TACC1: variants seen among roughly 807,000 people sequenced by gnomAD.
TACC1 encodes the protein transforming acidic coiled-coil-containing protein 1.
Under a neutral mutation model 84.4 loss-of-function variants are expected in TACC1, and 48 were observed. The ratio of observed to expected loss-of-function variants is 0.57; its 90% confidence interval spans 0.45 to 0.72. TACC1 has a LOEUF of 0.72. TACC1 is among the 30% of genes least tolerant of loss of function. TACC1 has a pLI of 0.00. For missense variants in TACC1, 920 were observed against 973.0 expected, an observed-to-expected ratio of 0.95 and a Z score of 0.72; for synonymous variants, 372 against 376.3, an observed-to-expected ratio of 0.99 and a Z score of 0.13.
At chr8:38,793,813 C>G (rs183182335) in intron 2 of TACC1, among the ~76,000 whole-genome samples, 1 of 152,134 alleles carries the variant, frequency 6.6e-6, no homozygotes, top group Non-Finnish European at 1.5e-5. Context: ...GCTGCTTTTG[C>G]TCTACAATAG....
chr8:38,842,335 T>G lies in TACC1; in HGVS notation c.2009T>G (p.Leu670Arg), dbSNP rs1350390899. Residue 670 changes from leucine to arginine, a missense_variant, in exon 10 of 13, where the codon CTG becomes CGG. Around this residue, in one of 2 missense-constraint regions of TACC1, gnomAD observed 158 missense variants for 225.6 expected, o/e 0.70. Transcript: ENST00000317827. ...SMTSQKSFQQ[L>R]TMEKEQALAD... ...ACCTCTCAGAAGAGCTTCCAGCAACTGACCATGGAGAAGGAACAGGCCCTG... is the reference window on the plus strand; with the variant it reads ...ACCTCTCAGAAGAGCTTCCAGCAACGGACCATGGAGAAGGAACAGGCCCTG... The G allele has an allele frequency of 1.2e-6, 2 of 1,614,220 alleles. No homozygotes were observed. The highest frequency in any genetic ancestry group is 2.2e-5 in the South Asian group (2 of 91,076).
chr8:38,736,750 G>A (rs1806041187), intron 1 of TACC1, among the ~76,000 whole-genome samples: 1 of 152,148 alleles, frequency 6.6e-6, no homozygotes, highest in Non-Finnish European at 1.5e-5. Context: ...ATCTCTAATG[G>A]CACACATTTA....
upstream of TACC1, among the ~76,000 whole-genome samples, chr8:38,783,342 C>T (rs1816508377): frequency 6.6e-6 from 1 of 151,804 alleles, no homozygotes; most frequent in Admixed American, 6.6e-5. Flanking sequence ...TTCAGCAGAC[C>T]CCAGGTGGGG....
intron 9 of TACC1, among the ~76,000 whole-genome samples, chr8:38,841,730 T>G (rs1050593722): frequency 2.0e-5 from 3 of 152,216 alleles, no homozygotes; most frequent in African/African-American, 4.8e-5. Flanking sequence ...TGTGTTTTGG[T>G]GCAGGGTTCT....
At position 38,851,950 on chromosome 8, in the gene TACC1, T is replaced by A. The variant is rs928054109; in HGVS notation, c.*3927T>A. ...AAAAAGGTTTGACTGGCCTCCAGAT[T>A]CCAGTTATTTTTAAAAAGCAACTTA... On this transcript the variant is annotated 3_prime_UTR_variant, in exon 13 of 13. Transcript: ENST00000317827. The A allele has an allele frequency of 2.2e-6, 1 of 456,102 alleles. No individual in the cohort carries two copies. Among genetic ancestry groups the A allele is most frequent in the Non-Finnish European group, 4.4e-6 (1 of 226,922 alleles). 28.3% of individuals were successfully genotyped at this position (456,102 alleles called of 1,614,324 possible). A position where few individuals can be genotyped will look rare whatever the true frequency, so the allele number is the denominator to read the frequency against.
At chr8:38,758,456 T>C (rs1441758240) in intron 3 of TACC1, among the ~76,000 whole-genome samples, 2 of 152,000 alleles carry the variant, frequency 1.3e-5, no homozygotes, top group African/African-American at 4.8e-5. Context: ...GGGGGGCAGA[T>C]CCCCTGAGGT....
In TACC1 at chr8:38,850,641, T is replaced by C. The variant is rs1280462143; in HGVS notation, c.*2618T>C. The C allele has an allele frequency of 6.6e-6, 1 of 151,784 alleles. No individual in the cohort carries two copies. Among genetic ancestry groups the C allele is most frequent in the East Asian group, 1.9e-4 (1 of 5,158 alleles). The allele number at this position is 151,784 out of a possible 1,614,324, so 9.4% of individuals were successfully genotyped here. On this transcript the variant is annotated 3_prime_UTR_variant, in exon 13 of 13. Coordinates refer to ENST00000317827, the MANE Select transcript of TACC1 (RefSeq NM_006283.3). ...ACCTTGTCTCTACCAAAATAAAAAT[T>C]AGCTGGGCATGGTGGCACGTGCCTG...
At position 38,839,307 on chromosome 8, in the gene TACC1, T is replaced by G. The variant is rs1830784879; in HGVS notation, c.1916+761T>G. On this transcript the variant is annotated intron_variant, in intron 8 of 12. Transcript: ENST00000317827. ...TGATTGACTTGAAATCGAAATCTTT[T>G]TATTTTTCCTCACTTTTAGAAAGGA... 7.6e-6 allele frequency: 3 copies of G among 395,946 alleles called. No individual in the cohort carries two copies. In the East Asian group the frequency reaches 1.1e-4, roughly 14 times the overall value. 24.5% of individuals were successfully genotyped at this position (395,946 alleles called of 1,614,324 possible). A position where few individuals can be genotyped will look rare whatever the true frequency, so the allele number is the denominator to read the frequency against.
At chr8:38,803,199 G>T (rs1420888606) in intron 2 of TACC1, among the ~76,000 whole-genome samples, 1 of 152,166 alleles carries the variant, frequency 6.6e-6, no homozygotes, top group African/African-American at 2.4e-5. Context: ...CTATATGAAA[G>T]ATTATGTCAT....
chr8:38,835,589 C>G (rs902850258), intron 6 of TACC1, among the ~76,000 whole-genome samples: 1 of 152,202 alleles, frequency 6.6e-6, no homozygotes, highest in Admixed American at 6.5e-5. Flanking sequence ...TGCGGAGCAG[C>G]GGAAGTTCAG....
At chr8:38,841,961 A>T (rs1831359565) in intron 9 of TACC1, among the ~76,000 whole-genome samples, 1 of 151,988 alleles carries the variant, frequency 6.6e-6, no homozygotes, top group Non-Finnish European at 1.5e-5. Flanking sequence ...GCCTTACCAC[A>T]GCTGTTCTTC....
chr8:38,829,823 G>A (rs978783807), intron 5 of TACC1, among the ~76,000 whole-genome samples: 2 of 152,188 alleles, frequency 1.3e-5, no homozygotes, highest in Non-Finnish European at 2.9e-5. Flanking sequence ...CTGATCAGCC[G>A]CATCACAAGC....
chr8:38,751,550 C>T (rs1429367617), intron 3 of TACC1, among the ~76,000 whole-genome samples: 1 of 152,032 alleles, frequency 6.6e-6, no homozygotes. Flanking sequence ...TTTTGGCAAC[C>T]TTGTGTGGGA....
intron 1 of TACC1, among the ~76,000 whole-genome samples, chr8:38,730,615 C>A (rs1027426578): frequency 1.3e-5 from 2 of 152,242 alleles, no homozygotes; most frequent in Non-Finnish European, 1.5e-5. Flanking sequence ...CTTGAGGGCA[C>A]CCTGCCACTT....
At chr8:38,841,799 A>G (rs755129212) in intron 9 of TACC1, among the ~76,000 whole-genome samples, 3 of 152,190 alleles carry the variant, frequency 2.0e-5, no homozygotes, top group Non-Finnish European at 4.4e-5. Flanking sequence ...TTACAAAACA[A>G]CAGGGATTGA....
At chr8:38,741,695 G>C (rs75779024) in intron 1 of TACC1, among the ~76,000 whole-genome samples, 16,501 of 152,106 alleles carry the variant, frequency 0.11, 1,031 homozygotes, top group South Asian at 0.16. Flanking sequence ...CTAGACTGTG[G>C]GGTTGGAATC....
In TACC1 at chr8:38,852,883, C is replaced by T. The variant is rs1407159707; in HGVS notation, c.*4860C>T. 6.6e-6 allele frequency: 1 copy of T among 152,582 alleles called. No individual in the cohort carries two copies. Among genetic ancestry groups the T allele is most frequent in the Admixed American group, 6.5e-5 (1 of 15,276 alleles). 9.5% of individuals were successfully genotyped at this position (152,582 alleles called of 1,614,324 possible). A position where few individuals can be genotyped will look rare whatever the true frequency, so the allele number is the denominator to read the frequency against. On this transcript the variant is annotated 3_prime_UTR_variant, in exon 13 of 13. Transcript: ENST00000317827. ...GGATTGTGTTGTGTGGAATATTCAT[C>T]TACATAAATTTTATATGCACAGTAA...
At chr8:38,788,114 C>T (rs1817730421) in intron 1 of TACC1, 1 of 218,636 alleles carries the variant, frequency 4.6e-6, no homozygotes, top group Non-Finnish European at 9.0e-6. Context: ...GAAGTCGCTC[C>T]CCGGCCCTTC....
chr8:38,837,732 A>G (rs1309932229), intron 7 of TACC1, among the ~76,000 whole-genome samples: 1 of 152,250 alleles, frequency 6.6e-6, no homozygotes, highest in Admixed American at 6.5e-5. Context: ...TGAGATCCTA[A>G]TAAATATAAT....
Sources: allele counts gnomAD v4.1 joint callset (sites outside exome capture counted in the v4.1 genomes callset), GRCh38; gene constraint gnomAD v4.1.1; regional missense constraint gnomAD v4.1.1; transcripts MANE v1.5; gene names NCBI Gene and HGNC (gene_info 2026-07-23, HGNC 2026-07-21).